Variants in CREB5 observed in about 807,000 individuals in gnomAD.
CREB5 encodes cAMP responsive element binding protein 5.
A neutral mutation model predicts 57.1 loss-of-function variants in CREB5; 19 were observed. The observed-to-expected ratio is 0.33, with a 90% CI of 0.23 to 0.49. The LOEUF is 0.49. Ranked by LOEUF, CREB5 falls within the 20% of genes least tolerant of loss-of-function variation. The probability of loss-of-function intolerance (pLI) is 0.99; values close to 1 mark genes in which losing one functional copy is unlikely to be tolerated. For synonymous variants in CREB5, 238 were observed against 238.3 expected (o/e 1.00, Z 0.01); for missense variants, 579 against 671.6 (o/e 0.86, Z 1.52).
intron 5 of CREB5, among the ~76,000 whole-genome samples, chr7:28,612,012 C>T (rs955159836): frequency 2.6e-5 from 4 of 152,102 alleles, no homozygotes; most frequent in South Asian, 4.1e-4. Flanking sequence ...CTGGATGATG[C>T]GAAGGAAGGA....
At chr7:28,507,941 T>A (rs1206380037) in intron 4 of CREB5, among the ~76,000 whole-genome samples, 1 of 152,248 alleles carries the variant, frequency 6.6e-6, no homozygotes, top group African/African-American at 2.4e-5. Context: ...TTAGTCAAAC[T>A]TACAGATTTT....
intron 5 of CREB5, among the ~76,000 whole-genome samples, chr7:28,580,559 G>GTA (rs1562809862): frequency 7.5e-5 from 1 of 13,374 alleles, no homozygotes; most frequent in Non-Finnish European, 2.2e-4. Context: ...TGGCAAATTG[G>GTA]TGTGTGTGTG....
At chr7:28,716,889 A>C (rs1802717871) in intron 5 of CREB5, among the ~76,000 whole-genome samples, 1 of 152,100 alleles carries the variant, frequency 6.6e-6, no homozygotes, top group African/African-American at 2.4e-5. Context: ...CCTTATTGTC[A>C]ATCTATACTC....
intron 4 of CREB5, among the ~76,000 whole-genome samples, chr7:28,535,978 A>C (rs1326124614): frequency 1.3e-5 from 2 of 152,192 alleles, no homozygotes. Flanking sequence ...CATCAGGTCA[A>C]ATCATAATTC....
chr7:28,658,175 TGAGA>T (rs1367760790), intron 5 of CREB5, among the ~76,000 whole-genome samples: 9 of 152,118 alleles, frequency 5.9e-5, no homozygotes, highest in African/African-American at 2.2e-4. Context: ...TCTAGAAAAA[TGAGA>T]GAAAGAGTTT....
chr7:28,332,486 A>C (rs1785735213), intron 1 of CREB5, among the ~76,000 whole-genome samples: 1 of 152,188 alleles, frequency 6.6e-6, no homozygotes, highest in Admixed American at 6.5e-5. Context: ...TTTGCGTGGT[A>C]GAAACAGTAA....
At chr7:28,780,943 G>T (rs1437808034) in intron 7 of CREB5, among the ~76,000 whole-genome samples, 2 of 152,182 alleles carry the variant, frequency 1.3e-5, no homozygotes, top group Non-Finnish European at 2.9e-5. Context: ...AGCCAAAATA[G>T]GGCTAAGTTC....
chr7:28,443,091 A>T (rs1036769845), intron 1 of CREB5, among the ~76,000 whole-genome samples: 3 of 152,106 alleles, frequency 2.0e-5, no homozygotes, highest in Non-Finnish European at 2.9e-5. Flanking sequence ...CCTACTTGCA[A>T]CCTAATTAGT....
chr7:28,388,237 G>T (rs1204422630), intron 1 of CREB5, among the ~76,000 whole-genome samples: 1 of 152,130 alleles, frequency 6.6e-6, no homozygotes, highest in Admixed American at 6.6e-5. Flanking sequence ...GACCTTTGAG[G>T]GACAAGCCTG....
intron 4 of CREB5, among the ~76,000 whole-genome samples, chr7:28,556,588 A>G (rs1032576841): frequency 4.6e-5 from 7 of 152,126 alleles, no homozygotes; most frequent in Middle Eastern, 3.2e-3. Flanking sequence ...AATTTTCTCT[A>G]ATGAACATGT....
At chr7:28,589,371 A>G (rs533115133) in intron 5 of CREB5, among the ~76,000 whole-genome samples, 4 of 152,160 alleles carry the variant, frequency 2.6e-5, no homozygotes, top group African/African-American at 9.6e-5. Context: ...TGACTAACAC[A>G]GTGAAACCCC....
At chr7:28,668,285 A>C (rs1369473011) in intron 5 of CREB5, among the ~76,000 whole-genome samples, 1 of 152,220 alleles carries the variant, frequency 6.6e-6, no homozygotes, top group Admixed American at 6.5e-5. Flanking sequence ...AAAAGAGTAT[A>C]GCATCTTTTA....
intron 4 of CREB5, among the ~76,000 whole-genome samples, chr7:28,531,365 G>A (rs552134238): frequency 1.3e-5 from 2 of 152,084 alleles, no homozygotes; most frequent in African/African-American, 4.8e-5. Flanking sequence ...TCCTGGCTTC[G>A]AGTGTTTTGC....
In CREB5 at chr7:28,716,080, A is replaced by G. The variant is rs1014449392; in HGVS notation, c.465-2673A>G. Reference sequence around the variant, plus strand: ...AGAATAAAAACTCATTTTAAATGTAATTACTTTTGCATCCCCATTCGCGTA... The same window carrying G: ...AGAATAAAAACTCATTTTAAATGTAGTTACTTTTGCATCCCCATTCGCGTA... On this transcript the variant is annotated intron_variant, in intron 5 of 10. Transcript: ENST00000357727. 2.0e-5 allele frequency among the ~76,000 whole-genome samples: 3 copies of G among 152,178 alleles called. 1 individual carries two copies. In the South Asian group the frequency reaches 6.2e-4, roughly 32 times the overall value.
chr7:28,570,008 A>G (rs1795633799), intron 4 of CREB5, among the ~76,000 whole-genome samples: 1 of 152,232 alleles, frequency 6.6e-6, no homozygotes, highest in Admixed American at 6.5e-5. Flanking sequence ...CTATTCACTA[A>G]ATCACAGTAT....
intron 5 of CREB5, among the ~76,000 whole-genome samples, chr7:28,582,022 A>T (rs1796141570): frequency 6.6e-6 from 1 of 152,208 alleles, no homozygotes; most frequent in Non-Finnish European, 1.5e-5. Flanking sequence ...TACGAATAAG[A>T]AGTAAATGAA....
chr7:28,561,027 T>TGCGTGC (rs1395507333), intron 4 of CREB5, among the ~76,000 whole-genome samples: 1 of 70,488 alleles, frequency 1.4e-5, no homozygotes, highest in African/African-American at 7.2e-5. Flanking sequence ...CGTGTGTGCG[T>TGCGTGC]GTGTGTGTGT....
chr7:28,567,179 A>G (rs1432427240), intron 4 of CREB5, among the ~76,000 whole-genome samples: 2 of 152,190 alleles, frequency 1.3e-5, no homozygotes, highest in Non-Finnish European at 2.9e-5. Context: ...TGGCCCCTGT[A>G]ACATTTTAAA....
chr7:28,626,297 T>G (rs1033936696), intron 5 of CREB5, among the ~76,000 whole-genome samples: 1 of 152,080 alleles, frequency 6.6e-6, no homozygotes, highest in East Asian at 1.9e-4. Context: ...TGTGGAAGAG[T>G]TCAAATTTGA....
Sources: gnomAD v4.1 joint callset for allele counts (sites outside exome capture counted in the v4.1 genomes callset) on GRCh38, gnomAD v4.1.1 for gene constraint, MANE v1.5 for transcripts, NCBI Gene and HGNC (gene_info 2026-07-23, HGNC 2026-07-21) for gene names.